The following FBXL7 variants were observed in gnomAD, a reference collection of about 807,000 sequenced individuals.
The protein encoded by FBXL7 is F-box and leucine rich repeat protein 7.
In FBXL7, 12 loss-of-function variants were observed where a neutral mutation model predicts 38.3. That is an observed-to-expected ratio of 0.31 (90% CI 0.20 to 0.51). FBXL7 has a LOEUF of 0.51. FBXL7 is among the 20% of genes least tolerant of loss of function. The pLI is 0.98. For missense variants in FBXL7, 567 were observed against 676.4 expected (o/e 0.84, Z 1.79); for synonymous variants, 297 against 300.9 (o/e 0.99, Z 0.13).
At chr5:15,754,197 G>T (rs1405750284) in intron 2 of FBXL7, among the ~76,000 whole-genome samples, 1 of 152,156 alleles carries the variant, frequency 6.6e-6, no homozygotes. Flanking sequence ...ACTACTTCTG[G>T]TATTAACATT....
intron 2 of FBXL7, among the ~76,000 whole-genome samples, chr5:15,913,379 A>G (rs962013732): frequency 6.6e-6 from 1 of 151,916 alleles, no homozygotes; most frequent in South Asian, 2.1e-4. Flanking sequence ...TAACGATCAT[A>G]TTTTCAAATG....
intron 2 of FBXL7, among the ~76,000 whole-genome samples, chr5:15,855,435 AC>A (rs1243900114): frequency 2.0e-5 from 3 of 152,124 alleles, no homozygotes; most frequent in Non-Finnish European, 4.4e-5. Context: ...GGACACCCAT[AC>A]TTTTATTCTG....
chr5:15,845,629 ACTT>A (rs1395564898), intron 2 of FBXL7, among the ~76,000 whole-genome samples: 2 of 152,158 alleles, frequency 1.3e-5, no homozygotes, highest in East Asian at 1.9e-4. Flanking sequence ...TCATTACTTA[ACTT>A]CTTTTTAATG....
rs1820822 is a variant in FBXL7 at position 15,614,251 on chromosome 5, G to A, written c.38-1732G>A. On this transcript the variant is annotated intron_variant, in intron 1 of 3. Coordinates refer to ENST00000504595, the MANE Select transcript of FBXL7 (RefSeq NM_012304.5). ...TAGTTGGTCATTAGCAATAGCTTGC[G>A]TTCTTTTCTTTTCTTTTCTTTTCTT... Among the ~76,000 whole-genome samples the A allele has an allele frequency of 0.032, 4,549 of 141,438 alleles. 433 individuals are homozygous for A. The East Asian group carries it at 0.37, about 12-fold the overall frequency. The allele number at this position is 141,438 out of a possible 152,430, so 92.8% of individuals were successfully genotyped here.
intron 2 of FBXL7, among the ~76,000 whole-genome samples, chr5:15,819,386 G>A (rs1433236636): frequency 2.0e-5 from 3 of 152,128 alleles, no homozygotes; most frequent in Admixed American, 6.5e-5. Context: ...TCTAGATACT[G>A]TGAGCGAAGG....
At chr5:15,515,733 G>A (rs1736917039) in intron 1 of FBXL7, among the ~76,000 whole-genome samples, 1 of 152,126 alleles carries the variant, frequency 6.6e-6, no homozygotes, top group Admixed American at 6.5e-5. Flanking sequence ...AGGGACCAAT[G>A]GCAAGTACAG....
At chr5:15,612,421 CTT>C (rs554750166) in intron 1 of FBXL7, among the ~76,000 whole-genome samples, 19 of 152,292 alleles carry the variant, frequency 1.2e-4, no homozygotes, top group African/African-American at 3.8e-4. Flanking sequence ...ACCTTATACT[CTT>C]TCTTCATAAA....
intron 1 of FBXL7, among the ~76,000 whole-genome samples, chr5:15,537,347 T>G (rs1239992774): frequency 5.3e-5 from 8 of 152,226 alleles, no homozygotes; most frequent in Admixed American, 4.6e-4. Context: ...TTTTGAGGCA[T>G]GAAAACACAG....
chr5:15,903,462 A>T (rs906484399), intron 2 of FBXL7, among the ~76,000 whole-genome samples: 6 of 152,214 alleles, frequency 3.9e-5, no homozygotes, highest in African/African-American at 1.2e-4. Flanking sequence ...AGCAATAATT[A>T]TTCCTTCCTT....
At chr5:15,583,847 A>G (rs986413707) in intron 1 of FBXL7, among the ~76,000 whole-genome samples, 3 of 152,196 alleles carry the variant, frequency 2.0e-5, no homozygotes. Flanking sequence ...TTCTGACTCC[A>G]CATTTTCTTC....
chr5:15,931,690 T>C (rs144506565), intron 3 of FBXL7, among the ~76,000 whole-genome samples: 34 of 152,304 alleles, frequency 2.2e-4, no homozygotes, highest in African/African-American at 7.7e-4. Context: ...TTCATCTCTT[T>C]CCTGCATACA....
At chr5:15,668,228 A>T (rs889234477) in intron 2 of FBXL7, among the ~76,000 whole-genome samples, 5 of 152,152 alleles carry the variant, frequency 3.3e-5, no homozygotes, top group African/African-American at 1.2e-4. Context: ...GACTACATTG[A>T]ACTGTTCCCT....
chr5:15,884,567 A>G (rs934846792), intron 2 of FBXL7, among the ~76,000 whole-genome samples: 15 of 152,196 alleles, frequency 9.9e-5, no homozygotes, highest in African/African-American at 3.6e-4. Flanking sequence ...TGGGAATTAC[A>G]GCCTCAACAT....
At chr5:15,670,515 A>AAT (rs1742429503) in intron 2 of FBXL7, among the ~76,000 whole-genome samples, 1 of 152,120 alleles carries the variant, frequency 6.6e-6, no homozygotes, top group South Asian at 2.1e-4. Flanking sequence ...AAGTTAGTGG[A>AAT]ATAGGCCAGG....
intron 2 of FBXL7, among the ~76,000 whole-genome samples, chr5:15,799,980 C>T (rs1422946397): frequency 6.6e-6 from 1 of 152,092 alleles, no homozygotes; most frequent in Non-Finnish European, 1.5e-5. Context: ...AGCAATCTTA[C>T]ACAAGCTTCT....
chr5:15,778,377 G>A (rs1044257056), intron 2 of FBXL7, among the ~76,000 whole-genome samples: 7 of 152,142 alleles, frequency 4.6e-5, no homozygotes, highest in African/African-American at 9.6e-5. Flanking sequence ...CTGGCTTGGG[G>A]CCTTCGTTCT....
At chr5:15,772,152 G>A (rs1345688320) in intron 2 of FBXL7, among the ~76,000 whole-genome samples, 1 of 152,028 alleles carries the variant, frequency 6.6e-6, no homozygotes, top group African/African-American at 2.4e-5. Flanking sequence ...AAAACAACAG[G>A]AATATTATAA....
intron 1 of FBXL7, among the ~76,000 whole-genome samples, chr5:15,594,424 G>A (rs543583034): frequency 6.6e-6 from 1 of 152,280 alleles, no homozygotes; most frequent in Admixed American, 6.5e-5. Context: ...CATTTCTTAC[G>A]CGGTGGTAAG....
chr5:15,772,901 G>GTT (rs36002508), intron 2 of FBXL7, among the ~76,000 whole-genome samples: 5 of 147,222 alleles, frequency 3.4e-5, no homozygotes, highest in African/African-American at 9.9e-5. Context: ...GTGAGACTTT[G>GTT]TTTTTTTTTT....
Sources: allele counts gnomAD v4.1 joint callset (sites outside exome capture counted in the v4.1 genomes callset), GRCh38; gene constraint gnomAD v4.1.1; transcripts MANE v1.5; gene names NCBI Gene and HGNC (gene_info 2026-07-23, HGNC 2026-07-21).